PLD5: variants seen among roughly 807,000 people sequenced by gnomAD.
PLD5 encodes the protein inactive phospholipase D5.
A neutral mutation model predicts 61.1 loss-of-function variants in PLD5; 36 were observed. The ratio of observed to expected loss-of-function variants is 0.59; its 90% CI spans 0.45 to 0.78. PLD5 has a LOEUF of 0.78. Among genes scored for constraint, PLD5 ranks in the 30% least tolerant of loss-of-function variants. The probability of loss-of-function intolerance (pLI) is 0.00; values close to 1 mark genes in which losing one functional copy is unlikely to be tolerated. For missense variants in PLD5, 515 were observed against 644.4 expected, an observed-to-expected ratio of 0.80 and a Z score of 2.17; for synonymous variants, 243 against 242.8, an observed-to-expected ratio of 1.00 and a Z score of -0.01.
At chr1:242,360,857 A>T (rs1661027862) in intron 1 of PLD5, among the ~76,000 whole-genome samples, 1 of 152,158 alleles carries the variant, frequency 6.6e-6, no homozygotes, top group Non-Finnish European at 1.5e-5. Flanking sequence ...GAAACAAACA[A>T]ACAAAAAGCT....
At chr1:242,114,117 G>T in intron 6 of PLD5, 91 bp from the exon 7 acceptor site, 1 of 1,421,586 alleles carries the variant, frequency 7.0e-7, no homozygotes, top group Non-Finnish European at 9.5e-7. Context: ...ACCTTGGCTT[G>T]TAACTATATT....
At chr1:242,242,898 C>T (rs531074636) in intron 4 of PLD5, among the ~76,000 whole-genome samples, 51 of 152,252 alleles carry the variant, frequency 3.3e-4, no homozygotes, top group Non-Finnish European at 3.7e-4. Context: ...ATGTGTATTC[C>T]ACCTCCCGGT....
rs1260113607 is a variant in PLD5, at chr1:242,085,577, T to C, written c.*4277A>G. 2.6e-5 allele frequency: 4 copies of C among 152,188 alleles called. No individual in the cohort carries two copies. Among genetic ancestry groups the C allele is most frequent in the Admixed American group, 2.6e-4 (4 of 15,276 alleles). The allele number at this position is 152,188 out of a possible 1,614,324, so 9.4% of individuals were successfully genotyped here. A position where few individuals can be genotyped will look rare whatever the true frequency, so the allele number is the denominator to read the frequency against. ...ATGAAAGATGCTAATCCAAATCAAATTGGAAAATTTTTTACCTTGGGCCAA... is the reference window on the plus strand; with the variant it reads ...ATGAAAGATGCTAATCCAAATCAAACTGGAAAATTTTTTACCTTGGGCCAA... On this transcript the variant is annotated 3_prime_UTR_variant, in exon 10 of 10. Coordinates refer to ENST00000536534, the MANE Select transcript of PLD5 (RefSeq NM_001372062.1).
chr1:242,233,528 C>T (rs10803028), intron 4 of PLD5, among the ~76,000 whole-genome samples: 49,610 of 149,780 alleles, frequency 0.33, 8,791 homozygotes, highest in South Asian at 0.5. Flanking sequence ...TTAAGAAAGG[C>T]TAAAGGAAGA....
At chr1:242,405,486 A>G (rs1241227940) in intron 1 of PLD5, among the ~76,000 whole-genome samples, 2 of 152,058 alleles carry the variant, frequency 1.3e-5, no homozygotes, top group South Asian at 4.2e-4. Flanking sequence ...CGGCTCTTCC[A>G]CATCTGGTCC....
At chr1:242,263,691 T>G (rs2149100636) in intron 4 of PLD5, among the ~76,000 whole-genome samples, 1 of 152,316 alleles carries the variant, frequency 6.6e-6, no homozygotes, top group Non-Finnish European at 1.5e-5. Context: ...CAACAGAATC[T>G]AAGTTGTAGT....
In PLD5 at chr1:242,143,194, G is replaced by GT. The variant is rs570260376; in HGVS notation, c.736-18530dup. Among the ~76,000 whole-genome samples, 109 of 151,744 alleles carry GT rather than the reference G, an allele frequency of 7.2e-4. No individual in the cohort carries two copies. The South Asian group carries it at 7.3e-3, about 10-fold the overall frequency. On this transcript the variant is annotated intron_variant, in intron 5 of 9. Coordinates refer to ENST00000536534, the MANE Select transcript of PLD5 (RefSeq NM_001372062.1). ...AGGCACCTGCCACGACGCCAGCTAT[G>GT]TTTTTTTCTTTTTTTCTTTTTTCTT... is the stretch of plus-strand genomic sequence containing the variant.
At chr1:242,158,759 C>T (rs576085749) in intron 5 of PLD5, among the ~76,000 whole-genome samples, 1 of 152,208 alleles carries the variant, frequency 6.6e-6, no homozygotes, top group East Asian at 1.9e-4. Flanking sequence ...TGTTCCTATT[C>T]AGCCGTCTTG....
At chr1:242,176,373 G>C (rs1667146368) in intron 5 of PLD5, among the ~76,000 whole-genome samples, 1 of 152,124 alleles carries the variant, frequency 6.6e-6, no homozygotes, top group Non-Finnish European at 1.5e-5. Flanking sequence ...TGGGGAAACT[G>C]GCTAGCCATA....
At chr1:242,373,739 G>T (rs1310639923) in intron 1 of PLD5, among the ~76,000 whole-genome samples, 6 of 152,164 alleles carry the variant, frequency 3.9e-5, no homozygotes, top group Non-Finnish European at 5.9e-5. Flanking sequence ...TCATAGGTGG[G>T]AATTGAACAA....
chr1:242,334,074 C>G (rs1659357518), intron 2 of PLD5, among the ~76,000 whole-genome samples: 1 of 152,114 alleles, frequency 6.6e-6, no homozygotes, highest in Non-Finnish European at 1.5e-5. Flanking sequence ...TCCTGAGGAA[C>G]TTCCATACTG....
chr1:242,509,415 C>A (rs1283309656), intron 1 of PLD5, among the ~76,000 whole-genome samples: 5 of 152,114 alleles, frequency 3.3e-5, no homozygotes, highest in African/African-American at 9.7e-5. Context: ...TAAATGCCTG[C>A]CTCCTTTGAA....
At chr1:242,234,856 A>T (rs1229549583) in intron 4 of PLD5, among the ~76,000 whole-genome samples, 1 of 151,930 alleles carries the variant, frequency 6.6e-6, no homozygotes, top group Non-Finnish European at 1.5e-5. Context: ...TCTGAAGAAA[A>T]GTCCTGTGGA....
At chr1:242,246,340 C>T (rs2840619) in intron 4 of PLD5, among the ~76,000 whole-genome samples, 69,137 of 151,868 alleles carry the variant, frequency 0.46, 16,095 homozygotes, top group East Asian at 0.69. Flanking sequence ...CACTGCAGCC[C>T]GGGCAACAGA....
chr1:242,101,451 C>A (rs1007886505), intron 8 of PLD5, among the ~76,000 whole-genome samples: 1 of 152,108 alleles, frequency 6.6e-6, no homozygotes, highest in African/African-American at 2.4e-5. Flanking sequence ...CCAGGCCATG[C>A]CTTAGGGGTC....
At chr1:242,512,436 G>C (rs989600893) in intron 1 of PLD5, among the ~76,000 whole-genome samples, 1 of 137,770 alleles carries the variant, frequency 7.3e-6, no homozygotes, top group Non-Finnish European at 1.6e-5. Context: ...AAAAAAAATA[G>C]TATTTTGGTG....
chr1:242,198,045 A>G (rs1440616104), intron 5 of PLD5, among the ~76,000 whole-genome samples: 1 of 151,964 alleles, frequency 6.6e-6, no homozygotes, highest in African/African-American at 2.4e-5. Context: ...AGCCTGGTAC[A>G]GAGCAGAGAC....
At chr1:242,205,437 C>T (rs537257151) in intron 5 of PLD5, among the ~76,000 whole-genome samples, 1 of 152,204 alleles carries the variant, frequency 6.6e-6, no homozygotes, top group South Asian at 2.1e-4. Flanking sequence ...ATGCAGTCTG[C>T]TAATCCATAT....
At chr1:242,444,581 TCTC>T (rs965058752) in intron 1 of PLD5, among the ~76,000 whole-genome samples, 3 of 119,776 alleles carry the variant, frequency 2.5e-5, no homozygotes, top group Non-Finnish European at 5.3e-5. Flanking sequence ...AGATCCATCT[TCTC>T]CTCAGGAACA....
Sources: allele counts gnomAD v4.1 joint callset (sites outside exome capture counted in the v4.1 genomes callset), GRCh38; gene constraint gnomAD v4.1.1; transcripts MANE v1.5; gene names NCBI Gene and HGNC (gene_info 2026-07-23, HGNC 2026-07-21).